The following IQGAP1 variants were observed in gnomAD, a reference collection of about 807,000 sequenced individuals.
IQGAP1 encodes the protein IQ motif containing GTPase activating protein 1, also known as ras GTPase-activating-like protein IQGAP1.
Under a neutral mutation model 215.6 loss-of-function variants are expected in IQGAP1, and 66 were observed. That is an observed-to-expected ratio of 0.31 (90% confidence interval 0.25 to 0.38). The LOEUF is 0.38. Among genes scored for constraint, IQGAP1 ranks in the 10% least tolerant of loss-of-function variants. The pLI is 1.00. For synonymous variants in IQGAP1, 772 were observed against 728.7 expected, an observed-to-expected ratio of 1.06 and a Z score of -0.96; for missense variants, 1,712 against 1,997.1, an observed-to-expected ratio of 0.86 and a Z score of 2.72.
At chr15:90,405,269 T>C (rs1964861677) in intron 2 of IQGAP1, among the ~76,000 whole-genome samples, 1 of 152,262 alleles carries the variant, frequency 6.6e-6, no homozygotes, top group African/African-American at 2.4e-5. Flanking sequence ...TGTTGAGCTT[T>C]TTGAAACATA....
intron 2 of IQGAP1, among the ~76,000 whole-genome samples, chr15:90,399,409 TTTTG>T (rs1380272470): frequency 6.6e-6 from 1 of 152,208 alleles, no homozygotes; most frequent in Non-Finnish European, 1.5e-5. Flanking sequence ...AATTTTCTGT[TTTTG>T]TTATGTGCCT....
chr15:90,491,384 A>G lies in IQGAP1; in HGVS notation c.4300A>G (p.Thr1434Ala), dbSNP rs754817959. ...MQRRAIRDAK[T>A]PDKMKKSKSV... ...GAGACGTGCTATCCGTGATGCCAAA[A>G]CACCTGACAAGATGAAAAAGTCAAA... Residue 1434 changes from threonine (T) to alanine (A), a missense_variant, in exon 34 of 38, where the codon ACA becomes GCA. This residue lies in a region of IQGAP1 where 691 missense variants were observed against 923.0 expected (regional missense o/e 0.75). Transcript: ENST00000268182. The G allele has an allele frequency of 6.2e-7, 1 of 1,614,188 alleles. No homozygotes were observed. Among genetic ancestry groups the G allele is most frequent in the Non-Finnish European group, 8.5e-7 (1 of 1,180,044 alleles).
At chr15:90,460,999 T>TAAA (rs36022965) in intron 15 of IQGAP1, among the ~76,000 whole-genome samples, 7 of 88,746 alleles carry the variant, frequency 7.9e-5, no homozygotes, top group South Asian at 8.6e-4. Context: ...ACCCTGTCTT[T>TAAA]AAAAAAAAAA....
chr15:90,442,614 T>C (rs1965467465), intron 8 of IQGAP1, among the ~76,000 whole-genome samples: 1 of 152,122 alleles, frequency 6.6e-6, no homozygotes, highest in South Asian at 2.1e-4. Context: ...GGCAAGTAGC[T>C]GCTGCCCTGC....
rs1965107637 is a variant in IQGAP1, at chr15:90,419,808, A to C, written c.156-6302A>C. Among the ~76,000 whole-genome samples, 6 of 152,212 alleles carry C rather than the reference A, an allele frequency of 3.9e-5. No individual in the cohort carries two copies. In the South Asian group the frequency reaches 1.2e-3, roughly 31 times the overall value. On this transcript the variant is annotated intron_variant, in intron 2 of 37. Coordinates refer to ENST00000268182, the MANE Select transcript of IQGAP1 (RefSeq NM_003870.4). ...AGGCTTTGTGGTTATGCAGTGTCAGAATGAAAAAGATGATACTCCTGTTCC... is the reference window on the plus strand; with the variant it reads ...AGGCTTTGTGGTTATGCAGTGTCAGCATGAAAAAGATGATACTCCTGTTCC...
At chr15:90,446,915 A>G (rs2151021576) in intron 9 of IQGAP1, among the ~76,000 whole-genome samples, 2 of 152,346 alleles carry the variant, frequency 1.3e-5, no homozygotes, top group South Asian at 2.1e-4. Flanking sequence ...ATAGATATTC[A>G]TTTAATATTT....
chr15:90,498,390 C>A (rs1289073122), intron 37 of IQGAP1, among the ~76,000 whole-genome samples: 2 of 151,478 alleles, frequency 1.3e-5, no homozygotes. Flanking sequence ...CTCTTATTCC[C>A]TCAGTTTCAC....
intron 15 of IQGAP1, among the ~76,000 whole-genome samples, chr15:90,458,981 A>G (rs1272662983): frequency 1.3e-5 from 2 of 152,158 alleles, no homozygotes; most frequent in African/African-American, 2.4e-5. Flanking sequence ...CCACTCCTCT[A>G]CCCTTCACCA....
At chr15:90,473,282 A>C (rs1198857405) in intron 19 of IQGAP1, among the ~76,000 whole-genome samples, 1 of 152,150 alleles carries the variant, frequency 6.6e-6, no homozygotes, top group African/African-American at 2.4e-5. Context: ...GAGGGAAACA[A>C]CTGTGGTCTG....
At chr15:90,471,415 C>T (rs1482102044) in intron 18 of IQGAP1, among the ~76,000 whole-genome samples, 2 of 151,844 alleles carry the variant, frequency 1.3e-5, no homozygotes, top group African/African-American at 4.8e-5. Context: ...GTACTGTCAG[C>T]TGTCTGTTTC....
chr15:90,397,901 G>C (rs1311734556), intron 2 of IQGAP1: 1 of 29,934 alleles, frequency 3.3e-5, no homozygotes, highest in Non-Finnish European at 6.1e-5. Context: ...TTTTTTTTTT[G>C]AGATGGAGTC....
At chr15:90,430,463 G>A (rs1279777818) in intron 4 of IQGAP1, among the ~76,000 whole-genome samples, 1 of 152,116 alleles carries the variant, frequency 6.6e-6, no homozygotes, top group East Asian at 1.9e-4. Flanking sequence ...AAAATTGATA[G>A]CAAAGTACAT....
In IQGAP1 at chr15:90,492,627, C is replaced by CT; in HGVS notation, c.4545dup (p.Lys1516Ter). Reference sequence around the variant, plus strand: ...CAACAGACATACGCTGCTCTGAACTCTAAGGCCACCTTTTATGGGGAGCAG... The same window carrying CT: ...CAACAGACATACGCTGCTCTGAACTCTTAAGGCCACCTTTTATGGGGAGCAG... On this transcript the variant is annotated frameshift_variant, in exon 35 of 38. Transcript: ENST00000268182. LOFTEE classifies it high-confidence loss of function. The CT allele has an allele frequency of 6.2e-7, 1 of 1,614,114 alleles. No individual in the cohort carries two copies. Among genetic ancestry groups the CT allele is most frequent in the Non-Finnish European group, 8.5e-7 (1 of 1,180,006 alleles).
At chr15:90,397,510 CTTT>C (rs892748490) in intron 2 of IQGAP1, among the ~76,000 whole-genome samples, 3 of 106,404 alleles carry the variant, frequency 2.8e-5, no homozygotes, top group African/African-American at 1.2e-4. Flanking sequence ...ACTCAACAAA[CTTT>C]TTTTTTTTTT....
chr15:90,474,808 C>A, intron 23 of IQGAP1, 115 bp downstream of exon 23: 1 of 732,184 alleles, frequency 1.4e-6, no homozygotes, highest in Non-Finnish European at 2.3e-6. Flanking sequence ...CAGCTACTGC[C>A]ATAAGAGCTT....
intron 2 of IQGAP1, among the ~76,000 whole-genome samples, chr15:90,425,257 C>T (rs1412126111): frequency 6.6e-6 from 1 of 152,020 alleles, no homozygotes; most frequent in Non-Finnish European, 1.5e-5. Flanking sequence ...TTGCAGTGAG[C>T]TGAGATCATG....
In IQGAP1 at chr15:90,485,917, T is replaced by C. The variant is rs184934970; in HGVS notation, c.3922-113T>C. On this transcript the variant is annotated intron_variant, in intron 30 of 37. Coordinates refer to ENST00000268182, the MANE Select transcript of IQGAP1 (RefSeq NM_003870.4). Reference sequence around the variant, plus strand: ...GCTGAGGATTTGCTTGTTGTTTCTTTGAATATAGGAACTTTGTTGGAACCT... The same window carrying C: ...GCTGAGGATTTGCTTGTTGTTTCTTCGAATATAGGAACTTTGTTGGAACCT... 2.6e-4 allele frequency: 193 copies of C among 731,212 alleles called. 1 individual carries two copies. The African/African-American group carries it at 3.1e-3, about 12-fold the overall frequency. 45.3% of individuals were successfully genotyped at this position (731,212 alleles called of 1,614,324 possible). A position where few individuals can be genotyped will look rare whatever the true frequency, so the allele number is the denominator to read the frequency against.
intron 15 of IQGAP1, among the ~76,000 whole-genome samples, chr15:90,459,623 C>G (rs577726446): frequency 6.6e-6 from 1 of 152,312 alleles, no homozygotes; most frequent in South Asian, 2.1e-4. Flanking sequence ...GGAAAAATTG[C>G]TTAACATTGC....
At chr15:90,433,846 T>A (rs992210911) in intron 5 of IQGAP1, 51 bp downstream of exon 5, 2 of 1,084,106 alleles carry the variant, frequency 1.8e-6, no homozygotes, top group East Asian at 4.9e-5. Context: ...ACATCTGAAT[T>A]GAGTGTGTAG....
Sources: gnomAD v4.1 joint callset for allele counts (sites outside exome capture counted in the v4.1 genomes callset) on GRCh38, gnomAD v4.1.1 for gene constraint, gnomAD v4.1.1 regional missense constraint, MANE v1.5 for transcripts, NCBI Gene and HGNC (gene_info 2026-07-23, HGNC 2026-07-21) for gene names.